The following SYNE2 variants were observed in gnomAD, a reference collection of about 807,000 sequenced individuals.
SYNE2 encodes nesprin-2.
A neutral mutation model predicts 856.3 loss-of-function variants in SYNE2; 431 were observed. That is an observed-to-expected ratio of 0.50 (90% CI 0.47 to 0.55). The LOEUF is 0.55. SYNE2 is among the 20% of genes least tolerant of loss of function. The pLI is 0.00. For synonymous variants in SYNE2, 2,923 were observed against 2,872.3 expected, an observed-to-expected ratio of 1.02 and a Z score of -0.56; for missense variants, 8,129 against 8,023.2, an observed-to-expected ratio of 1.01 and a Z score of -0.50.
intron 43 of SYNE2, among the ~76,000 whole-genome samples, chr14:64,028,320 A>G (rs529688805): frequency 1.3e-5 from 2 of 151,924 alleles, no homozygotes; most frequent in African/African-American, 4.8e-5. Context: ...CAGTGTTGCA[A>G]TCATAGTTCA....
chr14:64,132,757 A>T (rs1468349971), intron 77 of SYNE2, among the ~76,000 whole-genome samples: 1 of 152,212 alleles, frequency 6.6e-6, no homozygotes, highest in African/African-American at 2.4e-5. Flanking sequence ...TAAAAACTGT[A>T]CTTCTTCAAG....
At chr14:64,107,660 A>G (rs1876946062) in intron 65 of SYNE2, 53 bp downstream of exon 65, 1 of 1,360,764 alleles carries the variant, frequency 7.3e-7, no homozygotes. Flanking sequence ...ACTAGCACCT[A>G]GAGATGACCA....
rs572530161 is a variant in SYNE2, at chr14:63,797,638, C to T, written c.-305+35652C>T. ...TGTATTTTCAGTAGAGACGGGGTTT[C>T]GCCATGTTGGCCAGCCTGGTCTCGA... On this transcript the variant is annotated intron_variant, in intron 1 of 23. Coordinates refer to the SYNE2 transcript ENST00000674003. Among the ~76,000 whole-genome samples the T allele has an allele frequency of 4.9e-4, 75 of 152,290 alleles. No homozygotes were observed. The South Asian group carries it at 0.015, about 30-fold the overall frequency.
chr14:63,930,301 A>G (rs905941808), intron 2 of SYNE2, among the ~76,000 whole-genome samples: 101 of 151,834 alleles, frequency 6.7e-4, no homozygotes, highest in Non-Finnish European at 1.2e-3. Flanking sequence ...AAAAAAAAAA[A>G]GCAATGAGAT....
chr14:64,219,083 G>A (rs2098680067), intron 109 of SYNE2, 125 bp from the exon 110 acceptor site: 4 of 882,502 alleles, frequency 4.5e-6, no homozygotes, highest in East Asian at 2.7e-5. Flanking sequence ...TTCTGTCAGG[G>A]GAATCCCCTA....
At chr14:64,038,428 C>T (rs1382030653) in intron 45 of SYNE2, among the ~76,000 whole-genome samples, 1 of 152,268 alleles carries the variant, frequency 6.6e-6, no homozygotes, top group Non-Finnish European at 1.5e-5. Context: ...CTCCTCACTT[C>T]CCAGACGGGG....
At chr14:63,925,719 C>A (rs1170297556) in intron 2 of SYNE2, among the ~76,000 whole-genome samples, 1 of 152,176 alleles carries the variant, frequency 6.6e-6, no homozygotes, top group Non-Finnish European at 1.5e-5. Context: ...TCTATGAGTT[C>A]AGTTGTTTTA....
At chr14:64,022,280 C>T (rs574685646) in intron 37 of SYNE2, among the ~76,000 whole-genome samples, 1 of 152,238 alleles carries the variant, frequency 6.6e-6, no homozygotes, top group South Asian at 2.1e-4. Flanking sequence ...AGTGTTTGAC[C>T]TGCTCATTGT....
intron 1 of SYNE2, among the ~76,000 whole-genome samples, chr14:63,900,637 G>T (rs1354007387): frequency 6.6e-6 from 1 of 152,186 alleles, no homozygotes; most frequent in Non-Finnish European, 1.5e-5. Flanking sequence ...CATATCATAG[G>T]ATTGGTTGTT....
At chr14:63,849,525 A>G (rs1890336371), upstream of SYNE2, among the ~76,000 whole-genome samples, 1 of 152,138 alleles carries the variant, frequency 6.6e-6, no homozygotes, top group Admixed American at 6.5e-5. Context: ...TCATTAATCA[A>G]CTTGTATACT....
At position 64,221,654 on chromosome 14, in the gene SYNE2, G is replaced by C. The variant is rs751000273; in HGVS notation, c.20140G>C (p.Asp6714His). ...CCGGAGGCAGAAGGCTCATGTCACC[G>C]ATCCAAAGGCAGACCCCCGGGCTCT... Reference protein sequence around the residue: ...KNRRQKAHVTDPKADPRALLE... With the variant: ...KNRRQKAHVTHPKADPRALLE... Residue 6714 changes from aspartate to histidine, a missense_variant, in exon 112 of 116, where the codon GAT (aspartate) becomes CAT (histidine). Asp to His is a moderately conservative substitution (Grantham distance 81, BLOSUM62 -1). This residue lies in a region of SYNE2 where 5,410 missense variants were observed against 5,284.8 expected (regional missense o/e 1.02). Transcript: ENST00000555002. 3.1e-6 allele frequency: 5 copies of C among 1,614,096 alleles called. No homozygotes were observed. The African/African-American group carries it at 4.0e-5, about 13-fold the overall frequency.
chr14:64,057,402 C>T (rs920374031), intron 49 of SYNE2, among the ~76,000 whole-genome samples: 21 of 152,066 alleles, frequency 1.4e-4, no homozygotes, highest in African/African-American at 4.6e-4. Context: ...GCTTATTTCA[C>T]TTAACATAAT....
chr14:63,973,962 G>A (rs374980719), intron 11 of SYNE2, among the ~76,000 whole-genome samples: 9 of 152,242 alleles, frequency 5.9e-5, no homozygotes, highest in Admixed American at 6.5e-5. Context: ...ACTCAACTGG[G>A]CTCATGCCTG....
intron 78 of SYNE2, 136 bp from the exon 79 acceptor site, chr14:64,137,651 A>G (rs1166777454): frequency 2.2e-6 from 2 of 890,236 alleles, no homozygotes; most frequent in South Asian, 1.5e-5. Flanking sequence ...CAGTCAGACT[A>G]TATAGTCTTG....
chr14:64,030,963 T>C lies in SYNE2; in HGVS notation c.6880-53T>C, dbSNP rs1471780984. Reference sequence around the variant, plus strand: ...GTACTCTGTGATTTACAAAAGTCAATTAACTTTTGTGGCAATTGAATGGAG... The same window carrying C: ...GTACTCTGTGATTTACAAAAGTCAACTAACTTTTGTGGCAATTGAATGGAG... On this transcript the variant is annotated intron_variant, in intron 44 of 115. Transcript: ENST00000555002. 18 of 1,366,418 alleles carry C rather than the reference T, an allele frequency of 1.3e-5. No individual in the cohort carries two copies. In the Admixed American group the frequency reaches 2.9e-4, roughly 22 times the overall value. 84.6% of individuals were successfully genotyped at this position (1,366,418 alleles called of 1,614,324 possible). A position where few individuals can be genotyped will look rare whatever the true frequency, so the allele number is the denominator to read the frequency against.
intron 61 of SYNE2, among the ~76,000 whole-genome samples, chr14:64,097,345 G>C (rs568738112): frequency 5.3e-5 from 8 of 150,350 alleles, no homozygotes; most frequent in Non-Finnish European, 1.0e-4. Flanking sequence ...TAAAAAAAAA[G>C]TAAATGAATT....
chr14:64,100,895 T>C (rs1287153651), intron 63 of SYNE2, among the ~76,000 whole-genome samples: 1 of 151,584 alleles, frequency 6.6e-6, no homozygotes, highest in Non-Finnish European at 1.5e-5. Context: ...TAAAGGGAGA[T>C]GATGTGGTAT....
intron 48 of SYNE2, 28 bp downstream of exon 48, chr14:64,053,685 G>A (rs1164304880): frequency 6.2e-7 from 1 of 1,608,334 alleles, no homozygotes. Flanking sequence ...TGCAGTTAGT[G>A]GCTGGGTGCG....
chr14:63,924,840 T>TG (rs1382733233), intron 2 of SYNE2, among the ~76,000 whole-genome samples: 1 of 66,576 alleles, frequency 1.5e-5, no homozygotes, highest in African/African-American at 4.1e-5. Context: ...TGGTGTTTTT[T>TG]TTTTTTTTTT....
Sources: allele counts gnomAD v4.1 joint callset (sites outside exome capture counted in the v4.1 genomes callset), GRCh38; gene constraint gnomAD v4.1.1; regional missense constraint gnomAD v4.1.1; transcripts MANE v1.5; gene names NCBI Gene and HGNC (gene_info 2026-07-23, HGNC 2026-07-21).